The following CFAP61 variants were observed in gnomAD, a reference collection of about 807,000 sequenced individuals.
CFAP61 encodes cilia and flagella associated protein 61.
A neutral mutation model predicts 135.6 loss-of-function variants in CFAP61; 107 were observed. The observed-to-expected ratio is 0.79, with a 90% CI of 0.67 to 0.93. The LOEUF (loss-of-function observed/expected upper bound fraction) is 0.93. Among genes scored for constraint, CFAP61 ranks in the 40% least tolerant of loss-of-function variants. The pLI, the probability that CFAP61 is intolerant of heterozygous loss-of-function variation, is 0.00. For missense variants in CFAP61, 1,507 were observed against 1,556.2 expected, an observed-to-expected ratio of 0.97 and a Z score of 0.53; for synonymous variants, 575 against 578.5, an observed-to-expected ratio of 0.99 and a Z score of 0.09.
At chr20:20,063,633 T>A (rs6081858) in intron 2 of CFAP61, among the ~76,000 whole-genome samples, 1 of 151,982 alleles carries the variant, frequency 6.6e-6, no homozygotes, top group Non-Finnish European at 1.5e-5. Context: ...TATGTAATGA[T>A]AAAATATTAA....
intron 17 of CFAP61, among the ~76,000 whole-genome samples, chr20:20,217,403 G>T (rs201877642): frequency 6.6e-6 from 1 of 152,154 alleles, no homozygotes; most frequent in Non-Finnish European, 1.5e-5. Context: ...ATAGAGTCGC[G>T]CATGTTAGCT....
intron 18 of CFAP61, among the ~76,000 whole-genome samples, chr20:20,243,123 GAA>G (rs1393448048): frequency 2.4e-3 from 369 of 152,332 alleles, no homozygotes; most frequent in Middle Eastern, 6.8e-3. Context: ...AGGCAAGGAG[GAA>G]CAACTCATGT....
chr20:20,296,456 GCCTT>G (rs1303117353), intron 24 of CFAP61, among the ~76,000 whole-genome samples: 124 of 84,622 alleles, frequency 1.5e-3, no homozygotes, highest in African/African-American at 4.8e-3. Context: ...CCTCCTTCCT[GCCTT>G]CCTTCCTTCC....
chr20:20,358,776 G>C (rs1308287933), intron 26 of CFAP61, among the ~76,000 whole-genome samples: 1 of 152,168 alleles, frequency 6.6e-6, no homozygotes, highest in Non-Finnish European at 1.5e-5. Context: ...CATATAGCTT[G>C]AGTCTGTTTT....
At chr20:20,348,770 T>A (rs1187334704) in intron 26 of CFAP61, among the ~76,000 whole-genome samples, 30 of 88,808 alleles carry the variant, frequency 3.4e-4, no homozygotes, top group Admixed American at 7.6e-4. Context: ...TTTGACAAAA[T>A]CAAATACATT....
intron 19 of CFAP61, among the ~76,000 whole-genome samples, chr20:20,249,440 G>C (rs1388423000): frequency 6.6e-6 from 1 of 152,130 alleles, no homozygotes; most frequent in Non-Finnish European, 1.5e-5. Flanking sequence ...TCGAGAGTCT[G>C]AGCGGGGAGG....
intron 21 of CFAP61, among the ~76,000 whole-genome samples, chr20:20,276,433 A>G (rs1256037547): frequency 6.6e-6 from 1 of 152,242 alleles, no homozygotes; most frequent in Non-Finnish European, 1.5e-5. Context: ...TGACCTTAAA[A>G]CTGCTAAAAT....
intron 21 of CFAP61, 44 bp downstream of exon 21, chr20:20,263,174 A>G: frequency 7.0e-7 from 1 of 1,421,892 alleles, no homozygotes; most frequent in Non-Finnish European, 9.6e-7. Context: ...ATAGCGTTTT[A>G]TTTTTATAAT....
chr20:20,054,366 C>G (rs538237932), intron 1 of CFAP61, among the ~76,000 whole-genome samples: 1 of 151,888 alleles, frequency 6.6e-6, no homozygotes, highest in South Asian at 2.1e-4. Flanking sequence ...AGCCCATTGA[C>G]TATTTTGTAT....
chr20:20,360,695 A>G lies in CFAP61; in HGVS notation c.*285A>G. ...GCAATAAAATGAGATCATAGTGTGT[A>G]AAACTTGTTTTTACCTTGGGTGTGA... On this transcript the variant is annotated 3_prime_UTR_variant, in exon 27 of 27. Coordinates refer to ENST00000245957, the MANE Select transcript of CFAP61 (RefSeq NM_015585.4). The G allele has an allele frequency of 2.8e-6, 1 of 359,072 alleles. No individual in the cohort carries two copies. Among genetic ancestry groups the G allele is most frequent in the South Asian group, 6.6e-5 (1 of 15,058 alleles). The allele number at this position is 359,072 out of a possible 1,614,324, so 22.2% of individuals were successfully genotyped here. A position where few individuals can be genotyped will look rare whatever the true frequency, so the allele number is the denominator to read the frequency against.
intron 26 of CFAP61, among the ~76,000 whole-genome samples, chr20:20,356,537 G>A (rs1769616343): frequency 2.0e-5 from 2 of 100,766 alleles, no homozygotes; most frequent in African/African-American, 3.2e-5. Context: ...CAGTGTGAGG[G>A]GAGGTGGTCA....
intron 21 of CFAP61, chr20:20,265,876 C>A (rs1215218183): frequency 5.2e-6 from 1 of 190,914 alleles, no homozygotes; most frequent in Non-Finnish European, 1.1e-5. Context: ...AGGTCATACT[C>A]AGACATAACT....
Position 20,216,243 on chromosome 20 carries a change from T to C in CFAP61, c.1933-12006T>C, listed in dbSNP as rs975437792. 3.9e-5 allele frequency among the ~76,000 whole-genome samples: 6 copies of C among 152,328 alleles called. 1 individual carries two copies. The highest frequency in any genetic ancestry group is 2.6e-4 in the Admixed American group (4 of 15,306). ...CAGATGGTGTCATTAACACGAACACTGGGACTGTTTACCGCTGACGTGCGT... is the reference window on the plus strand; with the variant it reads ...CAGATGGTGTCATTAACACGAACACCGGGACTGTTTACCGCTGACGTGCGT... On this transcript the variant is annotated intron_variant, in intron 17 of 26. Coordinates refer to ENST00000245957, the MANE Select transcript of CFAP61 (RefSeq NM_015585.4).
intron 24 of CFAP61, among the ~76,000 whole-genome samples, chr20:20,295,960 C>T (rs1178768730): frequency 1.3e-5 from 2 of 148,554 alleles, no homozygotes; most frequent in East Asian, 2.0e-4. Context: ...CAGAGGAGCC[C>T]GCCCTTGCAC....
At chr20:20,084,927 A>G (rs936885074) in intron 6 of CFAP61, among the ~76,000 whole-genome samples, 2 of 152,220 alleles carry the variant, frequency 1.3e-5, no homozygotes, top group Admixed American at 6.5e-5. Context: ...TGAGAGATTG[A>G]TAAGTGTTTA....
intron 6 of CFAP61, among the ~76,000 whole-genome samples, chr20:20,086,999 G>T (rs904936324): frequency 6.6e-6 from 1 of 152,118 alleles, no homozygotes; most frequent in African/African-American, 2.4e-5. Flanking sequence ...AGGGAAGATG[G>T]TGAAGTCTCC....
chr20:20,134,917 A>G (rs2050803576), intron 8 of CFAP61, among the ~76,000 whole-genome samples: 1 of 152,096 alleles, frequency 6.6e-6, no homozygotes, highest in Admixed American at 6.5e-5. Flanking sequence ...AGACAGAAAA[A>G]TGGCCTCACT....
chr20:20,190,661 G>A (rs1411219430), intron 14 of CFAP61, among the ~76,000 whole-genome samples: 6 of 152,036 alleles, frequency 3.9e-5, no homozygotes, highest in Non-Finnish European at 8.8e-5. Flanking sequence ...TTTGCAAAAT[G>A]TTATTATTAA....
chr20:20,204,664 A>G (rs1371674115), intron 17 of CFAP61, among the ~76,000 whole-genome samples: 1 of 152,080 alleles, frequency 6.6e-6, no homozygotes, highest in East Asian at 1.9e-4. Flanking sequence ...CAGTGGTTAG[A>G]CTTCCCTTGG....
Sources: allele counts gnomAD v4.1 joint callset (sites outside exome capture counted in the v4.1 genomes callset), GRCh38; gene constraint gnomAD v4.1.1; transcripts MANE v1.5; gene names NCBI Gene and HGNC (gene_info 2026-07-23, HGNC 2026-07-21).